Variants in NBR1 observed in about 807,000 individuals in gnomAD.
NBR1 encodes the protein NBR1 autophagy cargo receptor.
Under a neutral mutation model 115.5 loss-of-function variants are expected in NBR1, and 59 were observed. The observed-to-expected ratio is 0.51, with a 90% CI of 0.41 to 0.63. The LOEUF (loss-of-function observed/expected upper bound fraction) is 0.63. Ranked by LOEUF, NBR1 falls within the 30% of genes least tolerant of loss-of-function variation. The probability of loss-of-function intolerance (pLI) is 0.00; values close to 1 mark genes in which losing one functional copy is unlikely to be tolerated. For missense variants in NBR1, 1,043 were observed against 1,150.5 expected, an observed-to-expected ratio of 0.91 and a Z score of 1.35; for synonymous variants, 373 against 414.7, an observed-to-expected ratio of 0.90 and a Z score of 1.22.
chr17:43,182,052 G>A (rs2056680986), intron 5 of NBR1, among the ~76,000 whole-genome samples: 1 of 150,820 alleles, frequency 6.6e-6, no homozygotes, highest in Non-Finnish European at 1.5e-5. Flanking sequence ...GCTGGGTCTT[G>A]CTATGTTACC....
In NBR1 at chr17:43,191,524, A is replaced by C; in HGVS notation, c.1016A>C (p.Gln339Pro). The change falls in exon 10 of 21, where the codon CAG (glutamine) becomes CCG (proline). Residue 339 changes from glutamine (Q) to proline (P), a missense_variant. Gln to Pro is a moderately conservative substitution (Grantham distance 76). Transcript: ENST00000590996. Reference sequence around the variant, plus strand: ...CTGTGGAATTCAATCCATGGACTCCAGAGCCCCAAGTCTCCTTTAGGCCGA... The same window carrying C: ...CTGTGGAATTCAATCCATGGACTCCCGAGCCCCAAGTCTCCTTTAGGCCGA... ...IHLWNSIHGL[Q>P]SPKSPLGRPE... is the part of the protein sequence containing the mutation. The C allele has an allele frequency of 6.2e-7, 1 of 1,613,404 alleles. No individual in the cohort carries two copies. The highest frequency in any genetic ancestry group is 2.2e-5 in the East Asian group (1 of 44,870).
At chr17:43,186,183 C>A in intron 5 of NBR1, 67 bp from the exon 6 acceptor site, 1 of 1,381,682 alleles carries the variant, frequency 7.2e-7, no homozygotes, top group Non-Finnish European at 9.9e-7. Context: ...GTTTTGATGT[C>A]TTTGAAATGT....
In NBR1 at chr17:43,195,160, G is replaced by C. The variant is rs972464371; in HGVS notation, c.1750+121G>C. 11 of 758,884 alleles carry C rather than the reference G, an allele frequency of 1.4e-5. No individual in the cohort carries two copies. In the African/African-American group the frequency reaches 2.0e-4, roughly 14 times the overall value. 47.0% of individuals were successfully genotyped at this position (758,884 alleles called of 1,614,324 possible). ...CAAGGATTTCTCCCACAGTAGGATA[G>C]TAAAGCAGCAATCATGGATCCGTTT... On this transcript the variant is annotated intron_variant, in intron 14 of 20. Transcript: ENST00000590996.
rs2057201682 is a variant in NBR1, at chr17:43,201,711, G to A, written c.2494G>A (p.Gly832Ser). Reference sequence around the variant, plus strand: ...GAGCTCTCCTTGTGTACATCATCATGGTTCCCCAGGAGTGGATTTACCAGT... The same window carrying A: ...GAGCTCTCCTTGTGTACATCATCATAGTTCCCCAGGAGTGGATTTACCAGT... ...PRSSPCVHHH[G>S]SPGVDLPVTI... Residue 832 changes from glycine to serine, a missense_variant, in exon 18 of 21, where the codon GGT becomes AGT. Gly to Ser is a moderately conservative substitution (Grantham distance 56). Transcript: ENST00000590996. 1 of 1,606,986 alleles carries A rather than the reference G, an allele frequency of 6.2e-7. No homozygotes were observed. Among genetic ancestry groups the A allele is most frequent in the Non-Finnish European group, 8.5e-7 (1 of 1,173,578 alleles).
In NBR1 at chr17:43,191,580, A is replaced by C; in HGVS notation, c.1072A>C (p.Met358Leu). ...GAGCTTGCTCCAGTCTAATACCCTG[A>C]TGTAAGCCCAGGACTGGGGTGGGAG... Reference protein sequence around the residue: ...PESLLQSNTLMLPLQPCTSVM... With the variant: ...PESLLQSNTLLLPLQPCTSVM... Residue 358 changes from methionine (M) to leucine (L), a missense_variant and splice_region_variant, in exon 10 of 21, where the codon ATG becomes CTG. Coordinates refer to ENST00000590996, the MANE Select transcript of NBR1 (RefSeq NM_005899.5). 6.2e-7 allele frequency: 1 copy of C among 1,605,846 alleles called. No homozygotes were observed. Among genetic ancestry groups the C allele is most frequent in the Non-Finnish European group, 8.5e-7 (1 of 1,176,362 alleles).
At chr17:43,171,835 T>G (rs1484513357) in intron 1 of NBR1, among the ~76,000 whole-genome samples, 1 of 152,176 alleles carries the variant, frequency 6.6e-6, no homozygotes, top group Non-Finnish European at 1.5e-5. Context: ...GAGTCTTGCT[T>G]TCTCAAAGAC....
At position 43,200,219 on chromosome 17, in the gene NBR1, CCATATCG is replaced by C; in HGVS notation, c.2081_2087del (p.His694LeufsTer100). 6.4e-7 allele frequency: 1 copy of C among 1,551,684 alleles called. No individual in the cohort carries two copies. Among genetic ancestry groups the C allele is most frequent in the Non-Finnish European group, 8.7e-7 (1 of 1,146,950 alleles). On this transcript the variant is annotated frameshift_variant, in exon 17 of 21. Coordinates refer to ENST00000590996, the MANE Select transcript of NBR1 (RefSeq NM_005899.5). LOFTEE classifies it high-confidence loss of function. ...TTGGAAATGAGAAGGAGGAGATTAT[CCATATCG>C]CTGAGGAAGAAGCTGTCATGGAGGA... is the stretch of plus-strand genomic sequence containing the variant.
chr17:43,189,169 G>A, intron 7 of NBR1, 50 bp downstream of exon 7: 2 of 1,300,326 alleles, frequency 1.5e-6, no homozygotes, highest in Non-Finnish European at 2.2e-6. Flanking sequence ...GGCACAGGTG[G>A]AATGTGGAAG....
chr17:43,174,188 G>T (rs924218891), intron 1 of NBR1, among the ~76,000 whole-genome samples: 2 of 151,818 alleles, frequency 1.3e-5, no homozygotes, highest in African/African-American at 4.8e-5. Context: ...TAAACCTTTG[G>T]TTACAGCAAA....
intron 20 of NBR1, among the ~76,000 whole-genome samples, chr17:43,206,654 C>CA (rs34734420): frequency 0.017 from 1,518 of 89,816 alleles, 13 homozygotes; most frequent in Middle Eastern, 0.056. Context: ...GACTCCGTCT[C>CA]AAAAAAAAAA....
At position 43,200,082 on chromosome 17, in the gene NBR1, T is replaced by A. The variant is rs1013083315; in HGVS notation, c.2027-85T>A. The A allele has an allele frequency of 9.1e-6, 10 of 1,104,316 alleles. No individual in the cohort carries two copies. The African/African-American group carries it at 1.4e-4, about 16-fold the overall frequency. The allele number at this position is 1,104,316 out of a possible 1,614,324, so 68.4% of individuals were successfully genotyped here. On this transcript the variant is annotated intron_variant, in intron 16 of 20. Coordinates refer to ENST00000590996, the MANE Select transcript of NBR1 (RefSeq NM_005899.5). The stretch of plus-strand genomic sequence containing the variant: ...CTCTGGCTTTCATAATTCTAGCTTA[T>A]GATCCACAAGGCTTTACCAAGTAAG...
At chr17:43,200,852 T>C (rs981374884) in intron 17 of NBR1, among the ~76,000 whole-genome samples, 2 of 151,600 alleles carry the variant, frequency 1.3e-5, no homozygotes, top group African/African-American at 4.8e-5. Flanking sequence ...ATTTTGATTA[T>C]TGAGAGCTGG....
chr17:43,204,667 T>G (rs983328790), intron 20 of NBR1, among the ~76,000 whole-genome samples: 1 of 151,372 alleles, frequency 6.6e-6, no homozygotes, highest in Non-Finnish European at 1.5e-5. Context: ...ATACAAAAAT[T>G]AGCTGGGCGT....
chr17:43,203,360 GA>G (rs1309232740), intron 19 of NBR1, among the ~76,000 whole-genome samples: 8 of 152,162 alleles, frequency 5.3e-5, no homozygotes, highest in Admixed American at 2.6e-4. Context: ...TTCTCTGAGA[GA>G]ATAATTGAGC....
chr17:43,189,148 A>C, intron 7 of NBR1, 29 bp downstream of exon 7: 1 of 1,500,488 alleles, frequency 6.7e-7, no homozygotes, highest in South Asian at 1.1e-5. Context: ...TTGGGTTTTA[A>C]CTGCGGTGTT....
rs1220878299 is a variant in NBR1 at position 43,203,791 on chromosome 17, G to A, written c.2727+5G>A. The A allele has an allele frequency of 6.5e-7, 1 of 1,546,348 alleles. No homozygotes were observed. Among genetic ancestry groups the A allele is most frequent in the East Asian group, 2.3e-5 (1 of 43,350 alleles). On this transcript the variant is annotated splice_donor_5th_base_variant and intron_variant, in intron 20 of 20. Transcript: ENST00000590996. ...GGGCCACCAGTCACTGCACAGGTCA[G>A]TGTGTGTGTTTTATTTTCCTGAATC...
intron 20 of NBR1, among the ~76,000 whole-genome samples, chr17:43,205,918 G>A (rs974848713): frequency 6.9e-6 from 1 of 144,910 alleles, no homozygotes; most frequent in Non-Finnish European, 1.5e-5. Flanking sequence ...GGTGGCTCAC[G>A]CCTGTAATCT....
At chr17:43,209,756 G>A (rs1294872163) in intron 20 of NBR1, 145 bp from the exon 21 acceptor site, 2 of 1,492,156 alleles carry the variant, frequency 1.3e-6, no homozygotes, top group Non-Finnish European at 1.8e-6. Flanking sequence ...ACACAGGAGT[G>A]CCATAGCCTT....
chr17:43,197,553 T>C (rs141176043), intron 16 of NBR1, among the ~76,000 whole-genome samples: 5,600 of 151,920 alleles, frequency 0.037, 342 homozygotes, highest in African/African-American at 0.13. Context: ...CTTGTTTGTG[T>C]CTTTAGACTC....
Sources: gnomAD v4.1 joint callset for allele counts (sites outside exome capture counted in the v4.1 genomes callset) on GRCh38, gnomAD v4.1.1 for gene constraint, MANE v1.5 for transcripts, NCBI Gene and HGNC (gene_info 2026-07-23, HGNC 2026-07-21) for gene names.